Variants in UBE2D2 observed in about 807,000 individuals in gnomAD.
UBE2D2 encodes the protein ubiquitin-conjugating enzyme E2 D2.
Under a neutral mutation model 24.2 loss-of-function variants are expected in UBE2D2, and 2 were observed. The ratio of observed to expected loss-of-function variants is 0.08; its 90% confidence interval spans 0.03 to 0.26. UBE2D2 has a LOEUF of 0.26. UBE2D2 is among the 10% of genes least tolerant of loss of function. The pLI is 1.00. For missense variants in UBE2D2, 44 were observed against 177.6 expected, an observed-to-expected ratio of 0.25 and a Z score of 4.28; for synonymous variants, 58 against 56.5, an observed-to-expected ratio of 1.03 and a Z score of -0.12.
At chr5:139,531,493 T>C (rs1752596007) in intron 1 of UBE2D2, among the ~76,000 whole-genome samples, 1 of 152,044 alleles carries the variant, frequency 6.6e-6, no homozygotes, top group African/African-American at 2.4e-5. Flanking sequence ...AGCTTGCCGA[T>C]GCTCCCAGCT....
At chr5:139,565,648 A>G (rs1753199993) in intron 1 of UBE2D2, among the ~76,000 whole-genome samples, 1 of 152,168 alleles carries the variant, frequency 6.6e-6, no homozygotes, top group Admixed American at 6.6e-5. Context: ...TTGACTGAAG[A>G]GGGCTTCATG....
intron 4 of UBE2D2, 28 bp from the exon 5 acceptor site, chr5:139,614,833 T>A: frequency 6.2e-7 from 1 of 1,611,716 alleles, no homozygotes; most frequent in Non-Finnish European, 8.5e-7. Flanking sequence ...ATAAACTAGT[T>A]TACAGAAAGT....
At chr5:139,580,666 C>T (rs891721640) in intron 1 of UBE2D2, among the ~76,000 whole-genome samples, 4 of 152,014 alleles carry the variant, frequency 2.6e-5, no homozygotes, top group Non-Finnish European at 5.9e-5. Context: ...CAGATGATCT[C>T]GATCTCCTGA....
intron 1 of UBE2D2, among the ~76,000 whole-genome samples, chr5:139,581,719 AGTGCAGTG>A (rs925494766): frequency 2.6e-5 from 4 of 152,022 alleles, no homozygotes; most frequent in African/African-American, 9.7e-5. Context: ...CCCACGCTGG[AGTGCAGTG>A]GTGCAGTCTT....
intron 1 of UBE2D2, among the ~76,000 whole-genome samples, chr5:139,597,425 T>G (rs1331597531): frequency 6.6e-6 from 1 of 152,220 alleles, no homozygotes; most frequent in Non-Finnish European, 1.5e-5. Context: ...TAAATGTCTA[T>G]TAGCCTAAGT....
At chr5:139,620,092 G>A (rs1368990508) in intron 5 of UBE2D2, among the ~76,000 whole-genome samples, 2 of 152,000 alleles carry the variant, frequency 1.3e-5, no homozygotes, top group African/African-American at 4.8e-5. Flanking sequence ...GCACCAAAGG[G>A]GTCGTGCTAA....
At chr5:139,598,004 C>T (rs1397267847) in intron 1 of UBE2D2, among the ~76,000 whole-genome samples, 1 of 152,186 alleles carries the variant, frequency 6.6e-6, no homozygotes, top group African/African-American at 2.4e-5. Context: ...CGGGTTCACA[C>T]CATTCTTCTG....
intron 1 of UBE2D2, among the ~76,000 whole-genome samples, chr5:139,530,064 GA>G (rs747086760): frequency 6.6e-6 from 1 of 152,100 alleles, no homozygotes; most frequent in Non-Finnish European, 1.5e-5. Flanking sequence ...GAAGGAAAAG[GA>G]TTCACTCATC....
rs1315349576 is a variant in UBE2D2, at chr5:139,562,445, C to T, written c.24+630C>T. On this transcript the variant is annotated intron_variant, in intron 1 of 6. Transcript: ENST00000398733. ...GGGAGGAGGGAAGTAGAGGGAGAATCATTTTATTCCTTGAGGTTGCTGTAT... is the reference window on the plus strand; with the variant it reads ...GGGAGGAGGGAAGTAGAGGGAGAATTATTTTATTCCTTGAGGTTGCTGTAT... The T allele has an allele frequency of 2.3e-6, 3 of 1,288,050 alleles. No homozygotes were observed. In the South Asian group the frequency reaches 3.7e-5, roughly 16 times the overall value. 79.8% of individuals were successfully genotyped at this position (1,288,050 alleles called of 1,614,324 possible).
intron 1 of UBE2D2, among the ~76,000 whole-genome samples, chr5:139,568,857 G>A (rs912573975): frequency 6.6e-6 from 1 of 152,084 alleles, no homozygotes; most frequent in Non-Finnish European, 1.5e-5. Flanking sequence ...TGTGATCCCA[G>A]TTACTGGGGA....
intron 6 of UBE2D2, 64 bp downstream of exon 6, chr5:139,623,525 T>C: frequency 2.1e-6 from 3 of 1,412,608 alleles, no homozygotes; most frequent in Non-Finnish European, 3.0e-6. Flanking sequence ...CACAAATCTT[T>C]CTTGTTTAAG....
chr5:139,600,115 G>A, intron 1 of UBE2D2: 1 of 508,386 alleles, frequency 2.0e-6, no homozygotes, highest in South Asian at 1.9e-5. Flanking sequence ...CATGACACAT[G>A]TTTTACCTTC....
At chr5:139,621,328 T>C (rs1178339062) in intron 5 of UBE2D2, among the ~76,000 whole-genome samples, 3 of 152,216 alleles carry the variant, frequency 2.0e-5, no homozygotes, top group Non-Finnish European at 4.4e-5. Flanking sequence ...CTATTGAGAT[T>C]TGTCTGCTAC....
intron 1 of UBE2D2, among the ~76,000 whole-genome samples, chr5:139,571,151 G>A (rs1753343966): frequency 6.6e-6 from 1 of 151,972 alleles, no homozygotes; most frequent in South Asian, 2.1e-4. Flanking sequence ...GCTCATGCCT[G>A]TAATCCCAGC....
chr5:139,553,326 C>T (rs756449802), intron 1 of UBE2D2, among the ~76,000 whole-genome samples: 9 of 152,170 alleles, frequency 5.9e-5, no homozygotes, highest in African/African-American at 9.6e-5. Context: ...TGCTGAGATC[C>T]GGAAATAGGG....
intron 6 of UBE2D2, among the ~76,000 whole-genome samples, chr5:139,624,903 T>G (rs757544240): frequency 2.6e-5 from 4 of 152,218 alleles, no homozygotes; most frequent in Non-Finnish European, 5.9e-5. Flanking sequence ...GTGAATTTAT[T>G]GTCAAATTTT....
chr5:139,612,431 C>G (rs1408035981), intron 2 of UBE2D2: 1 of 152,320 alleles, frequency 6.6e-6, no homozygotes, highest in East Asian at 1.9e-4. Context: ...TTACTTATCC[C>G]CCTTCTCAGC....
At chr5:139,594,752 T>C (rs1407980794) in intron 1 of UBE2D2, among the ~76,000 whole-genome samples, 1 of 152,164 alleles carries the variant, frequency 6.6e-6, no homozygotes, top group Non-Finnish European at 1.5e-5. Flanking sequence ...CTACTTTAAC[T>C]GTCAAAGTTC....
intron 1 of UBE2D2, among the ~76,000 whole-genome samples, chr5:139,548,193 A>AAAAAATAAAAAATAAAT: frequency 2.1e-5 from 1 of 47,104 alleles, no homozygotes; most frequent in Non-Finnish European, 3.8e-5. Context: ...ATAAAAAAAA[A>AAAAAATAAAAAATAAAT]AAATAAATAA....
Sources: allele counts gnomAD v4.1 joint callset (sites outside exome capture counted in the v4.1 genomes callset), GRCh38; gene constraint gnomAD v4.1.1; transcripts MANE v1.5; gene names NCBI Gene and HGNC (gene_info 2026-07-23, HGNC 2026-07-21).